GLRA2: variants seen among roughly 807,000 people sequenced by gnomAD.
GLRA2 encodes glycine receptor alpha 2.
Under a neutral mutation model 31.6 loss-of-function variants are expected in GLRA2, and 11 were observed. That is an observed-to-expected ratio of 0.35 (90% confidence interval 0.22 to 0.58). The LOEUF is 0.58. Among genes scored for constraint, GLRA2 ranks in the 20% least tolerant of loss-of-function variants. The pLI is 0.84. For missense variants in GLRA2, 212 were observed against 351.8 expected (o/e 0.60, Z 3.18); for synonymous variants, 132 against 134.0 (o/e 0.99, Z 0.10).
the GLRA2 span, among the ~76,000 whole-genome samples, chrX:14,482,344 T>A: frequency 9.0e-6 from 1 of 111,634 alleles, no homozygotes; most frequent in African/African-American, 3.3e-5. Context: ...TATTACATGA[T>A]TTCTTTCATC....
At chrX:14,534,213 GTTT>G (rs368371153) in intron 2 of GLRA2, among the ~76,000 whole-genome samples, 20,217 of 95,530 alleles carry the variant, frequency 0.21, 2,068 homozygotes, top group Non-Finnish European at 0.32. Context: ...GTGTGGCCAT[GTTT>G]TTTTTTTTTT....
chrX:14,499,504 T>C, the GLRA2 span, among the ~76,000 whole-genome samples: 3 of 111,556 alleles, frequency 2.7e-5, no homozygotes, highest in Admixed American at 2.9e-4. Context: ...GTGGTACATA[T>C]ACACCATGGG....
At chrX:14,616,125 T>C (rs1170453784) in intron 7 of GLRA2, among the ~76,000 whole-genome samples, 4 of 111,765 alleles carry the variant, frequency 3.6e-5, no homozygotes, top group Non-Finnish European at 5.7e-5. Context: ...TGAGGATGAA[T>C]TGAATGGAAG....
chrX:14,643,859 A>G (rs1366039595), intron 7 of GLRA2, among the ~76,000 whole-genome samples: 1 of 111,950 alleles, frequency 8.9e-6, no homozygotes, highest in Admixed American at 9.5e-5. Context: ...GGTGCTAGAA[A>G]AGTGGAAGGT....
intron 2 of GLRA2, among the ~76,000 whole-genome samples, chrX:14,546,121 T>C (rs1232272625): frequency 9.0e-6 from 1 of 111,611 alleles, no homozygotes; most frequent in Non-Finnish European, 1.9e-5. Flanking sequence ...ATCTGAAATA[T>C]TACCATTTCA....
chrX:14,628,144 G>C (rs926732756), intron 7 of GLRA2, among the ~76,000 whole-genome samples: 2 of 111,272 alleles, frequency 1.8e-5, no homozygotes, highest in African/African-American at 6.5e-5. Flanking sequence ...GGGATTGCTT[G>C]TTGGGCCAGG....
At position 14,604,450 on chromosome X, in the gene GLRA2, T is replaced by A. The variant is rs917171592; in HGVS notation, c.577+53T>A. 1.9e-5 allele frequency: 14 copies of A among 738,061 alleles called. No homozygotes were observed. In the African/African-American group the frequency reaches 3.0e-4, roughly 16 times the overall value. 60.8% of individuals were successfully genotyped at this position (738,061 alleles called of 1,213,427 possible). A position where few individuals can be genotyped will look rare whatever the true frequency, so the allele number is the denominator to read the frequency against. ...CTGCTTGTTTTAACCAATGACCTGG[T>A]TCTTTTAGTATGTCATTAAAGAGAA... On this transcript the variant is annotated intron_variant, in intron 5 of 8. Transcript: ENST00000218075.
chrX:14,535,396 T>C (rs2089309236), intron 2 of GLRA2, among the ~76,000 whole-genome samples: 1 of 111,543 alleles, frequency 9.0e-6, no homozygotes, highest in Non-Finnish European at 1.9e-5. Context: ...GGCATATATA[T>C]AAGAAGGAAA....
chrX:14,616,976 A>AAAAAATATGCAAAGAG (rs1271521270), intron 7 of GLRA2, among the ~76,000 whole-genome samples: 3 of 111,541 alleles, frequency 2.7e-5, no homozygotes, highest in Middle Eastern at 9.2e-3. Flanking sequence ...GAGTGTGTGA[A>AAAAAATATGCAAAGAG]AAAAATATGC....
the GLRA2 span, among the ~76,000 whole-genome samples, chrX:14,519,140 A>G: frequency 4.6e-5 from 5 of 109,431 alleles, no homozygotes; most frequent in Non-Finnish European, 7.6e-5. Flanking sequence ...ATTATTATAT[A>G]TAATTTATAT....
At chrX:14,555,153 G>T (rs775255266) in intron 2 of GLRA2, among the ~76,000 whole-genome samples, 1 of 112,065 alleles carries the variant, frequency 8.9e-6, no homozygotes, top group Non-Finnish European at 1.9e-5. Context: ...GCAGGGCAGA[G>T]ATACTATGCT....
the GLRA2 span, among the ~76,000 whole-genome samples, chrX:14,482,897 T>C: frequency 9.0e-6 from 1 of 111,054 alleles, no homozygotes; most frequent in East Asian, 2.8e-4. Context: ...ATTTTCCTTT[T>C]ACAGGGGGAA....
At chrX:14,709,955 T>C (rs192997331) in intron 8 of GLRA2, among the ~76,000 whole-genome samples, 23 of 112,032 alleles carry the variant, frequency 2.1e-4, no homozygotes, top group Non-Finnish European at 2.8e-4. Context: ...AGCAGGTTTA[T>C]AGTTTTTCAC....
chrX:14,523,731 G>A, the GLRA2 span, among the ~76,000 whole-genome samples: 3 of 111,466 alleles, frequency 2.7e-5, no homozygotes, highest in Admixed American at 9.5e-5. Context: ...TAGAGTAGTC[G>A]GAACACATAC....
intron 4 of GLRA2, among the ~76,000 whole-genome samples, chrX:14,585,908 G>T (rs1204019214): frequency 1.8e-5 from 2 of 111,960 alleles, no homozygotes; most frequent in Non-Finnish European, 3.8e-5. Flanking sequence ...AAAAAGTAAT[G>T]TTCTGTCTTG....
At chrX:14,670,893 T>A (rs1008226544) in intron 7 of GLRA2, among the ~76,000 whole-genome samples, 1 of 111,701 alleles carries the variant, frequency 9.0e-6, no homozygotes, top group African/African-American at 3.3e-5. Context: ...TGGGACAGAT[T>A]ATTTATATAA....
chrX:14,536,720 T>C, intron 2 of GLRA2, among the ~76,000 whole-genome samples: 2 of 111,041 alleles, frequency 1.8e-5, no homozygotes, highest in South Asian at 7.5e-4. Flanking sequence ...CTCCCTTAAT[T>C]AATCAAGAGG....
chrX:14,723,408 C>A lies in GLRA2; in HGVS notation c.1081-6799C>A, dbSNP rs185907961. Among the ~76,000 whole-genome samples the A allele has an allele frequency of 2.7e-5, 3 of 112,309 alleles. No individual in the cohort carries two copies. The East Asian group carries it at 8.4e-4, about 31-fold the overall frequency. On this transcript the variant is annotated intron_variant, in intron 8 of 8. Transcript: ENST00000218075. ...AATCCAAATCATTATCATCTCTCATCTGGACCATTGCTGTAGCTTTGTAAC... is the reference window on the plus strand; with the variant it reads ...AATCCAAATCATTATCATCTCTCATATGGACCATTGCTGTAGCTTTGTAAC...
At chrX:14,650,844 A>G (rs1322495009) in intron 7 of GLRA2, among the ~76,000 whole-genome samples, 2 of 111,711 alleles carry the variant, frequency 1.8e-5, no homozygotes, top group East Asian at 2.8e-4. Flanking sequence ...ACTCTCTGAC[A>G]TGGGATTTTA....
Sources: gnomAD v4.1 joint callset for allele counts (sites outside exome capture counted in the v4.1 genomes callset) on GRCh38, gnomAD v4.1.1 for gene constraint, MANE v1.5 for transcripts, NCBI Gene and HGNC (gene_info 2026-07-23, HGNC 2026-07-21) for gene names.